Variants in TMCC3 observed in about 807,000 individuals in gnomAD.
The protein encoded by TMCC3 is transmembrane and coiled-coil domain family 3.
A neutral mutation model predicts 40.2 loss-of-function variants in TMCC3; 28 were observed. That is an observed-to-expected ratio of 0.70 (90% confidence interval 0.52 to 0.95). The LOEUF (loss-of-function observed/expected upper bound fraction) is 0.95. Ranked by LOEUF, TMCC3 falls within the 40% of genes least tolerant of loss-of-function variation. The pLI, the probability that TMCC3 is intolerant of heterozygous loss-of-function variation, is 0.00. For synonymous variants in TMCC3, 255 were observed against 248.5 expected (o/e 1.03, Z -0.25); for missense variants, 554 against 615.2 (o/e 0.90, Z 1.05).
chr12:94,643,100 G>A (rs1262380134), intron 1 of TMCC3, among the ~76,000 whole-genome samples: 1 of 152,122 alleles, frequency 6.6e-6, no homozygotes, highest in South Asian at 2.1e-4. Context: ...GCTGAGACAG[G>A]GGAATCACTT....
At chr12:94,580,955 T>C (rs371418137) in intron 2 of TMCC3, among the ~76,000 whole-genome samples, 57 of 152,302 alleles carry the variant, frequency 3.7e-4, no homozygotes, top group African/African-American at 1.3e-3. Context: ...TATCCAATAA[T>C]TTAAGGACCC....
chr12:94,626,239 G>C (rs922905292), intron 1 of TMCC3, among the ~76,000 whole-genome samples: 2 of 152,188 alleles, frequency 1.3e-5, no homozygotes, highest in Non-Finnish European at 2.9e-5. Context: ...CTCGACATGT[G>C]GGGATTACAA....
chr12:94,646,237 G>A (rs1416142551), intron 1 of TMCC3, among the ~76,000 whole-genome samples: 2 of 151,988 alleles, frequency 1.3e-5, no homozygotes, highest in Non-Finnish European at 2.9e-5. Context: ...AAGGTGCGGT[G>A]GTATTGCTAA....
rs780251962 is a variant in TMCC3 at position 94,650,407 on chromosome 12, G to A, written c.24C>T (p.Leu8=). Residue 8 remains leucine, a synonymous_variant, in exon 1 of 4, where the codon CTC becomes CTT. Transcript: ENST00000261226. MPGSDTA[L]TVDRTYSYPG... ...GGTACGAGTAGGTCCGGTCCACGGT[G>A]AGCGCCGTGTCGCTGCCCGGCATCT... 1 of 1,322,122 alleles carries A rather than the reference G, an allele frequency of 7.6e-7. No homozygotes were observed. 81.9% of individuals were successfully genotyped at this position (1,322,122 alleles called of 1,614,324 possible).
Position 94,571,512 on chromosome 12 carries a change from C to G in TMCC3, c.1357G>C (p.Val453Leu), listed in dbSNP as rs757570806. 6.2e-7 allele frequency: 1 copy of G among 1,614,082 alleles called. No homozygotes were observed. The highest frequency in any genetic ancestry group is 8.5e-7 in the Non-Finnish European group (1 of 1,180,036). Residue 453 changes from valine (V) to leucine (L), a missense_variant, in exon 4 of 4, where the codon GTG becomes CTG. Physicochemically the swap from Val to Leu is conservative, Grantham distance 32. Transcript: ENST00000261226. ...RCHILGTFFA[V>L]TLLAIFCKNW... Reference sequence around the variant, plus strand: ...TTACAAAATATAGCAAGAAGAGTCACGGCAAAGAAGGTGCCAAGAATGTGG... The same window carrying G: ...TTACAAAATATAGCAAGAAGAGTCAGGGCAAAGAAGGTGCCAAGAATGTGG...
chr12:94,582,983 TTTTTTTTTTTTA>T (rs1258418123), intron 1 of TMCC3, among the ~76,000 whole-genome samples: 16 of 25,790 alleles, frequency 6.2e-4, no homozygotes, highest in African/African-American at 5.2e-3. Flanking sequence ...TTTTTTTTTT[TTTTTTTTTTTTA>T]AAAAAGAAAG....
intron 1 of TMCC3, among the ~76,000 whole-genome samples, chr12:94,586,080 G>C (rs1207405744): frequency 6.6e-6 from 1 of 152,256 alleles, no homozygotes; most frequent in East Asian, 1.9e-4. Flanking sequence ...ACAATTCCAG[G>C]TGAAGATGGC....
intron 1 of TMCC3, among the ~76,000 whole-genome samples, chr12:94,643,687 G>A (rs904772914): frequency 6.6e-6 from 1 of 152,224 alleles, no homozygotes; most frequent in African/African-American, 2.4e-5. Flanking sequence ...CAATGTGCAT[G>A]TCATAAGAAT....
chr12:94,629,568 C>G (rs1594295245), intron 1 of TMCC3, among the ~76,000 whole-genome samples: 1 of 152,174 alleles, frequency 6.6e-6, no homozygotes, highest in African/African-American at 2.4e-5. Flanking sequence ...AAGCAGCCTC[C>G]CCTTACATTT....
At chr12:94,599,571 C>CAT (rs1366591669) in intron 1 of TMCC3, among the ~76,000 whole-genome samples, 1 of 131,472 alleles carries the variant, frequency 7.6e-6, no homozygotes, top group East Asian at 2.3e-4. Flanking sequence ...CCCCCCCGCC[C>CAT]ACACACACAC....
intron 1 of TMCC3, among the ~76,000 whole-genome samples, chr12:94,634,961 T>C (rs558693576): frequency 6.6e-6 from 1 of 152,354 alleles, no homozygotes; most frequent in East Asian, 1.9e-4. Context: ...TGCTCTTGAA[T>C]CAGGTTATAA....
At chr12:94,587,787 G>A (rs1594272246) in intron 1 of TMCC3, among the ~76,000 whole-genome samples, 1 of 152,158 alleles carries the variant, frequency 6.6e-6, no homozygotes, top group South Asian at 2.1e-4. Flanking sequence ...TGCACCGTGG[G>A]GTTATGCGGG....
chr12:94,626,867 T>C (rs1262206324), intron 1 of TMCC3, among the ~76,000 whole-genome samples: 2 of 152,218 alleles, frequency 1.3e-5, no homozygotes, highest in Non-Finnish European at 2.9e-5. Context: ...GTTTGTTTGT[T>C]TGTTTGTTTT....
intron 1 of TMCC3, among the ~76,000 whole-genome samples, chr12:94,627,705 A>G (rs949770591): frequency 2.0e-5 from 3 of 152,184 alleles, no homozygotes; most frequent in Admixed American, 1.3e-4. Context: ...TCTTTTCTCA[A>G]TGTTTCCCCT....
At chr12:94,598,597 T>C in intron 1 of TMCC3, 2 of 985,440 alleles carry the variant, frequency 2.0e-6, no homozygotes, top group Non-Finnish European at 2.4e-6. Context: ...TTTTACCCAC[T>C]ACCAAAGATC....
intron 3 of TMCC3, among the ~76,000 whole-genome samples, chr12:94,574,819 C>T (rs183086434): frequency 1.2e-4 from 18 of 152,132 alleles, no homozygotes; most frequent in African/African-American, 4.3e-4. Flanking sequence ...TGGAACAAGA[C>T]AAAAGACCAA....
chr12:94,596,203 A>C (rs2068714190), intron 1 of TMCC3, among the ~76,000 whole-genome samples: 1 of 152,142 alleles, frequency 6.6e-6, no homozygotes, highest in Non-Finnish European at 1.5e-5. Flanking sequence ...GTAAGGCTGG[A>C]CCTTTATATA....
intron 1 of TMCC3, among the ~76,000 whole-genome samples, chr12:94,591,680 G>A (rs1434614595): frequency 6.6e-6 from 1 of 152,146 alleles, no homozygotes; most frequent in East Asian, 1.9e-4. Flanking sequence ...CAAGAGCCTG[G>A]GAGGTGGAGG....
At chr12:94,633,098 T>C (rs1325250473) in intron 1 of TMCC3, among the ~76,000 whole-genome samples, 1 of 151,854 alleles carries the variant, frequency 6.6e-6, no homozygotes, top group Admixed American at 6.6e-5. Context: ...AGAGTGAGAC[T>C]GTCTCAAAAA....
Sources: gnomAD v4.1 joint callset for allele counts (sites outside exome capture counted in the v4.1 genomes callset) on GRCh38, gnomAD v4.1.1 for gene constraint, MANE v1.5 for transcripts, NCBI Gene and HGNC (gene_info 2026-07-23, HGNC 2026-07-21) for gene names.